LYPD6: variants seen among roughly 807,000 people sequenced by gnomAD.
LYPD6 encodes ly6/PLAUR domain-containing protein 6.
A neutral mutation model predicts 22.7 loss-of-function variants in LYPD6; 15 were observed. The ratio of observed to expected loss-of-function variants is 0.66; its 90% confidence interval spans 0.44 to 1.02. The LOEUF (loss-of-function observed/expected upper bound fraction) is 1.02, where lower values mean the gene tolerates loss of function less well. LYPD6 is among the 50% of genes least tolerant of loss of function. LYPD6 has a pLI of 0.00. For missense variants in LYPD6, 189 were observed against 208.4 expected (o/e 0.91, Z 0.57); for synonymous variants, 72 against 77.5 (o/e 0.93, Z 0.37).
rs145242153 is a variant in LYPD6 at position 149,339,950 on chromosome 2, C to T, written c.-72+9228C>T. On this transcript the variant is annotated intron_variant, in intron 1 of 4. Coordinates refer to ENST00000334166, the MANE Select transcript of LYPD6 (RefSeq NM_194317.5). ...TAATTCAGATTCCTGATCACCTAACCGAATGAATTCACAACAACTTTTGCA... is the reference window on the plus strand; with the variant it reads ...TAATTCAGATTCCTGATCACCTAACTGAATGAATTCACAACAACTTTTGCA... 1.4e-4 allele frequency among the ~76,000 whole-genome samples: 22 copies of T among 152,202 alleles called. No homozygotes were observed. In the East Asian group the frequency reaches 3.7e-3, roughly 25 times the overall value.
rs553789053 is a variant in LYPD6, at chr2:149,461,907, A to G, written c.218-6738A>G. On this transcript the variant is annotated intron_variant, in intron 3 of 4. Coordinates refer to ENST00000334166, the MANE Select transcript of LYPD6 (RefSeq NM_194317.5). ...AATAGCGAGAAACTTCTTCAACTTGATAACATCGATTAAAAACCTACCACT... is the reference window on the plus strand; with the variant it reads ...AATAGCGAGAAACTTCTTCAACTTGGTAACATCGATTAAAAACCTACCACT... 2.0e-5 allele frequency among the ~76,000 whole-genome samples: 3 copies of G among 152,142 alleles called. No individual in the cohort carries two copies. The South Asian group carries it at 6.2e-4, about 32-fold the overall frequency.
intron 1 of LYPD6, among the ~76,000 whole-genome samples, chr2:149,355,772 T>G (rs970120012): frequency 6.6e-6 from 1 of 152,180 alleles, no homozygotes; most frequent in African/African-American, 2.4e-5. Context: ...ATTTTTCTTA[T>G]CAAGTATGTA....
intron 1 of LYPD6, among the ~76,000 whole-genome samples, chr2:149,344,946 G>T (rs539270019): frequency 6.6e-6 from 1 of 152,314 alleles, no homozygotes; most frequent in Non-Finnish European, 1.5e-5. Context: ...TACTTGGCAG[G>T]CTGAGGCAGG....
intron 1 of LYPD6, among the ~76,000 whole-genome samples, chr2:149,354,271 G>A (rs952948139): frequency 3.9e-5 from 6 of 152,194 alleles, no homozygotes; most frequent in East Asian, 1.9e-4. Context: ...GCAGTGTCAC[G>A]ATCTCAGCTC....
intron 1 of LYPD6, among the ~76,000 whole-genome samples, chr2:149,367,226 G>T (rs1411966517): frequency 6.6e-6 from 1 of 152,114 alleles, no homozygotes; most frequent in African/African-American, 2.4e-5. Context: ...GCCAGGACAG[G>T]GATCTCATCT....
intron 1 of LYPD6, among the ~76,000 whole-genome samples, chr2:149,359,936 A>G (rs1486497640): frequency 1.3e-5 from 2 of 152,202 alleles, no homozygotes; most frequent in African/African-American, 2.4e-5. Context: ...TGGCTGTTCC[A>G]TAGGCAGAGC....
chr2:149,465,406 G>A (rs1037341753), intron 3 of LYPD6, among the ~76,000 whole-genome samples: 1 of 152,166 alleles, frequency 6.6e-6, no homozygotes, highest in Non-Finnish European at 1.5e-5. Context: ...GCAGGCAGCT[G>A]CGACTGGCCT....
At chr2:149,330,331 C>T (rs562125878), upstream of LYPD6, 415 of 151,172 alleles carry the variant, frequency 2.7e-3, 3 homozygotes, top group Non-Finnish European at 4.5e-3. Context: ...GGGTGCCCCA[C>T]CTGCGCCGGG....
At chr2:149,370,186 A>C (rs1461785494) in intron 1 of LYPD6, among the ~76,000 whole-genome samples, 1 of 152,182 alleles carries the variant, frequency 6.6e-6, no homozygotes, top group Non-Finnish European at 1.5e-5. Flanking sequence ...GAGCAATTTA[A>C]AGGTCTTTGA....
intron 1 of LYPD6, among the ~76,000 whole-genome samples, chr2:149,408,859 G>C (rs2105119726): frequency 6.6e-6 from 1 of 152,222 alleles, no homozygotes; most frequent in East Asian, 1.9e-4. Context: ...GCCTTTCTCT[G>C]TTGCCTCCTT....
the LYPD6 span, among the ~76,000 whole-genome samples, chr2:149,479,497 C>A: frequency 6.6e-6 from 1 of 152,152 alleles, no homozygotes; most frequent in African/African-American, 2.4e-5. Context: ...GTAAGAGTGA[C>A]CAAAACCAAA....
At chr2:149,421,970 A>C (rs1683090378) in intron 1 of LYPD6, among the ~76,000 whole-genome samples, 1 of 152,144 alleles carries the variant, frequency 6.6e-6, no homozygotes, top group Admixed American at 6.5e-5. Flanking sequence ...GATCAGCTAG[A>C]AAGTCTGACA....
the LYPD6 span, among the ~76,000 whole-genome samples, chr2:149,479,614 T>G: frequency 3.3e-5 from 5 of 152,252 alleles, no homozygotes; most frequent in East Asian, 9.7e-4. Flanking sequence ...TCCTTCACAC[T>G]TCCCTCTACT....
chr2:149,418,128 C>A (rs1480530570), intron 1 of LYPD6, among the ~76,000 whole-genome samples: 1 of 152,116 alleles, frequency 6.6e-6, no homozygotes, highest in Non-Finnish European at 1.5e-5. Context: ...ATCTCTATGG[C>A]CTCATCAAAT....
At chr2:149,440,985 G>A (rs781428161) in intron 2 of LYPD6, among the ~76,000 whole-genome samples, 3 of 152,052 alleles carry the variant, frequency 2.0e-5, no homozygotes, top group African/African-American at 7.2e-5. Context: ...GATTACAGGC[G>A]TGAGCCACCG....
intron 1 of LYPD6, among the ~76,000 whole-genome samples, chr2:149,423,455 T>G (rs1331099395): frequency 2.6e-5 from 4 of 152,132 alleles, no homozygotes; most frequent in African/African-American, 9.7e-5. Flanking sequence ...CCCTGTACAT[T>G]GCAAAATGAG....
At chr2:149,470,227 T>A (rs1354969130) in intron 4 of LYPD6, among the ~76,000 whole-genome samples, 1 of 152,220 alleles carries the variant, frequency 6.6e-6, no homozygotes, top group East Asian at 1.9e-4. Context: ...ATGCAAACAG[T>A]TCTGTGAAAG....
At chr2:149,433,796 C>G (rs1200813281) in intron 1 of LYPD6, among the ~76,000 whole-genome samples, 3 of 152,152 alleles carry the variant, frequency 2.0e-5, no homozygotes, top group Non-Finnish European at 4.4e-5. Context: ...TGGCATTTTC[C>G]CCATGTTGTA....
At chr2:149,409,670 T>C (rs1314718850) in intron 1 of LYPD6, among the ~76,000 whole-genome samples, 5 of 152,074 alleles carry the variant, frequency 3.3e-5, no homozygotes, top group Non-Finnish European at 7.4e-5. Context: ...AGTGGAGTTA[T>C]ATTCCCAGGG....
Sources: allele counts gnomAD v4.1 joint callset (sites outside exome capture counted in the v4.1 genomes callset), GRCh38; gene constraint gnomAD v4.1.1; transcripts MANE v1.5; gene names NCBI Gene and HGNC (gene_info 2026-07-23, HGNC 2026-07-21).